LYN: variants seen among roughly 807,000 people sequenced by gnomAD.
LYN encodes the protein LYN proto-oncogene, Src family tyrosine kinase, also known as tyrosine-protein kinase Lyn.
In LYN, 12 loss-of-function variants were observed where a neutral mutation model predicts 65.0. That is an observed-to-expected ratio of 0.18 (90% CI 0.12 to 0.30). The LOEUF (loss-of-function observed/expected upper bound fraction) is 0.30. LYN is among the 10% of genes least tolerant of loss of function. The pLI, the probability that LYN is intolerant of heterozygous loss-of-function variation, is 1.00. For missense variants in LYN, 380 were observed against 623.2 expected, an observed-to-expected ratio of 0.61 and a Z score of 4.16; for synonymous variants, 222 against 221.2, an observed-to-expected ratio of 1.00 and a Z score of -0.03.
chr8:55,885,442 A>T (rs2130349264), intron 1 of LYN, among the ~76,000 whole-genome samples: 1 of 152,146 alleles, frequency 6.6e-6, no homozygotes, highest in Admixed American at 6.5e-5. Flanking sequence ...TTGACACCAG[A>T]CCATACTGGT....
intron 2 of LYN, 79 bp from the exon 3 acceptor site, chr8:55,946,369 C>A (rs987150853): frequency 6.5e-5 from 60 of 929,580 alleles, no homozygotes; most frequent in Non-Finnish European, 9.8e-5. Context: ...GCTACTGTTA[C>A]AAAAATCATA....
intron 1 of LYN, among the ~76,000 whole-genome samples, chr8:55,892,677 G>T (rs1804990281): frequency 2.0e-5 from 3 of 151,924 alleles, no homozygotes; most frequent in Admixed American, 1.3e-4. Context: ...CAAAGTCCTG[G>T]GATTACGAGC....
At chr8:55,892,738 C>T (rs189843982) in intron 1 of LYN, among the ~76,000 whole-genome samples, 138 of 152,078 alleles carry the variant, frequency 9.1e-4, no homozygotes, top group Non-Finnish European at 7.2e-4. Flanking sequence ...ACAGTTCTTT[C>T]TAACAGGATT....
intron 1 of LYN, among the ~76,000 whole-genome samples, chr8:55,914,212 A>G (rs1805722764): frequency 6.6e-6 from 1 of 151,708 alleles, no homozygotes. Context: ...ATGGCCTGTG[A>G]GGTGTAGGAG....
chr8:55,991,132 A>T (rs1318598172), intron 10 of LYN, among the ~76,000 whole-genome samples: 1 of 152,126 alleles, frequency 6.6e-6, no homozygotes, highest in Admixed American at 6.5e-5. Context: ...TCTATCCCTG[A>T]TCCCACTCTG....
intron 1 of LYN, among the ~76,000 whole-genome samples, chr8:55,913,030 T>A (rs1805685687): frequency 6.6e-6 from 1 of 152,084 alleles, no homozygotes; most frequent in South Asian, 2.1e-4. Context: ...TGTAATAGAG[T>A]TAGTGGGATG....
chr8:55,947,752 C>G (rs575024402), intron 4 of LYN, 29 bp downstream of exon 4: 2 of 1,487,390 alleles, frequency 1.3e-6, no homozygotes, highest in Middle Eastern at 1.8e-4. Context: ...GCCACGGCTG[C>G]TCGTTTCCTC....
In LYN at chr8:55,941,918, A is replaced by G; in HGVS notation, c.59A>G (p.Lys20Arg). 2 of 1,612,572 alleles carry G rather than the reference A, an allele frequency of 1.2e-6. No homozygotes were observed. Among genetic ancestry groups the G allele is most frequent in the Non-Finnish European group, 1.7e-6 (2 of 1,178,728 alleles). ...DSLSDDGVDL[K>R]TQPVRNTERT... ...TTGAGTGACGATGGAGTAGATTTGA[A>G]GACTCAACCAGTACGTAATACTGAA... The change falls in exon 2 of 13, where the codon AAG (lysine) becomes AGG (arginine). Residue 20 changes from lysine to arginine, a missense_variant. Around this residue, in one of 2 missense-constraint regions of LYN, gnomAD observed 157 missense variants for 193.2 expected, o/e 0.81. Coordinates refer to ENST00000519728, the MANE Select transcript of LYN (RefSeq NM_002350.4).
intron 12 of LYN, among the ~76,000 whole-genome samples, chr8:56,005,057 T>G (rs1432024929): frequency 6.6e-6 from 1 of 152,120 alleles, no homozygotes; most frequent in Non-Finnish European, 1.5e-5. Context: ...GTGCTGGAAT[T>G]ATAGGTGTGA....
chr8:56,010,590 A>G lies in LYN; in HGVS notation c.*480A>G, dbSNP rs992057676. 7 of 231,578 alleles carry G rather than the reference A, an allele frequency of 3.0e-5. No individual in the cohort carries two copies. The highest frequency in any genetic ancestry group is 1.6e-4 in the African/African-American group (7 of 44,990). 14.3% of individuals were successfully genotyped at this position (231,578 alleles called of 1,614,324 possible). On this transcript the variant is annotated 3_prime_UTR_variant, in exon 13 of 13. Transcript: ENST00000519728. ...ACTTGTTTAAAAAAAAAAAAAAACT[A>G]ATCCAACCTGTTAGATTTTGCAGGT...
intron 7 of LYN, 72 bp from the exon 8 acceptor site, chr8:55,953,760 C>T: frequency 2.0e-6 from 3 of 1,465,308 alleles, no homozygotes; most frequent in Non-Finnish European, 2.8e-6. Flanking sequence ...TAGTGTTCAA[C>T]TTTTCTTTAT....
chr8:55,902,939 C>A (rs1001700074), intron 1 of LYN: 1 of 308,536 alleles, frequency 3.2e-6, no homozygotes, highest in Non-Finnish European at 6.4e-6. Context: ...ACCTCCGCCT[C>A]TTGGGTTCCA....
At chr8:55,910,178 T>A (rs1360967335) in intron 1 of LYN, among the ~76,000 whole-genome samples, 2 of 152,234 alleles carry the variant, frequency 1.3e-5, no homozygotes, top group Non-Finnish European at 2.9e-5. Flanking sequence ...ACTTTTGTTT[T>A]TGTTGCCTGT....
chr8:55,957,299 A>G (rs1807146827), intron 8 of LYN, among the ~76,000 whole-genome samples: 3 of 152,070 alleles, frequency 2.0e-5, no homozygotes, highest in Admixed American at 2.0e-4. Flanking sequence ...TATTCTAGTT[A>G]TTGGAAGCTA....
In LYN at chr8:56,011,126, T is replaced by C. The variant is rs1013579506; in HGVS notation, c.*1016T>C. 4.4e-6 allele frequency: 1 copy of C among 229,224 alleles called. No individual in the cohort carries two copies. The highest frequency in any genetic ancestry group is 2.2e-5 in the African/African-American group (1 of 45,136). The allele number at this position is 229,224 out of a possible 1,614,324, so 14.2% of individuals were successfully genotyped here. ...GCCACATTCGGGGCTATTTTTATGA[T>C]TCAGCAATCTTTTCTAAATTGTGTA... On this transcript the variant is annotated 3_prime_UTR_variant, in exon 13 of 13. Coordinates refer to ENST00000519728, the MANE Select transcript of LYN (RefSeq NM_002350.4).
chr8:55,986,718 G>A (rs566512283), intron 10 of LYN, among the ~76,000 whole-genome samples: 2 of 152,232 alleles, frequency 1.3e-5, no homozygotes, highest in East Asian at 3.9e-4. Flanking sequence ...TAACTTGACT[G>A]TTTATTATGA....
At chr8:55,944,381 A>G (rs1806714698) in intron 2 of LYN, among the ~76,000 whole-genome samples, 1 of 152,226 alleles carries the variant, frequency 6.6e-6, no homozygotes, top group Non-Finnish European at 1.5e-5. Flanking sequence ...GTTTTCTTAT[A>G]GACATCAGAG....
At chr8:55,916,315 A>G (rs1805778852) in intron 1 of LYN, among the ~76,000 whole-genome samples, 1 of 152,204 alleles carries the variant, frequency 6.6e-6, no homozygotes, top group Non-Finnish European at 1.5e-5. Flanking sequence ...GTAAACTGCA[A>G]CTGACAAGGC....
rs893019260 is a variant in LYN, at chr8:55,892,239, A to G, written c.-6+12136A>G. ...AGTTCAAGACCAGCCTGGTCAACAA[A>G]GTGAAACCCCATCTCTTCTAAAAAT... On this transcript the variant is annotated intron_variant, in intron 1 of 12. Coordinates refer to ENST00000519728, the MANE Select transcript of LYN (RefSeq NM_002350.4). Among the ~76,000 whole-genome samples the G allele has an allele frequency of 2.0e-5, 3 of 152,184 alleles. No homozygotes were observed. The East Asian group carries it at 5.8e-4, about 29-fold the overall frequency.
Sources: allele counts gnomAD v4.1 joint callset (sites outside exome capture counted in the v4.1 genomes callset), GRCh38; gene constraint gnomAD v4.1.1; regional missense constraint gnomAD v4.1.1; transcripts MANE v1.5; gene names NCBI Gene and HGNC (gene_info 2026-07-23, HGNC 2026-07-21).